Variants in PGAP4 observed in about 807,000 individuals in gnomAD.
The protein encoded by PGAP4 is GPI-N-acetylgalactosamine transferase PGAP4.
PGAP4 carries 12 observed loss-of-function variants against 28.2 expected under a neutral mutation model. That is an observed-to-expected ratio of 0.42 (90% CI 0.27 to 0.69). The LOEUF is 0.69. Ranked by LOEUF, PGAP4 falls within the 30% of genes least tolerant of loss-of-function variation. The probability of loss-of-function intolerance (pLI) is 0.22; values close to 1 mark genes in which losing one functional copy is unlikely to be tolerated. For synonymous variants in PGAP4, 205 were observed against 211.8 expected (o/e 0.97, Z 0.28); for missense variants, 425 against 513.5 (o/e 0.83, Z 1.67).
chr9:101,488,632 T>C (rs1391805182), upstream of PGAP4, among the ~76,000 whole-genome samples: 6 of 152,332 alleles, frequency 3.9e-5, no homozygotes, highest in Admixed American at 2.6e-4. Flanking sequence ...CAAAAATTCA[T>C]TGAGTACCTA....
intron 2 of PGAP4, among the ~76,000 whole-genome samples, chr9:101,517,502 G>A (rs919319458): frequency 6.6e-6 from 1 of 152,086 alleles, no homozygotes; most frequent in African/African-American, 2.4e-5. Flanking sequence ...AAGATATCAA[G>A]TTTTAAAAAC....
intron 2 of PGAP4, among the ~76,000 whole-genome samples, chr9:101,496,821 T>G (rs1255994498): frequency 6.6e-6 from 1 of 150,844 alleles, no homozygotes; most frequent in African/African-American, 2.4e-5. Flanking sequence ...TGTTTTACAT[T>G]CTTTGAATTT....
intron 1 of PGAP4, among the ~76,000 whole-genome samples, chr9:101,484,815 G>A (rs574766016): frequency 6.6e-6 from 1 of 152,320 alleles, no homozygotes; most frequent in African/African-American, 2.4e-5. Context: ...CCAGAAGGGA[G>A]AAATGCAAAC....
At chr9:101,499,714 A>G (rs1020612495) in intron 2 of PGAP4, among the ~76,000 whole-genome samples, 23 of 152,028 alleles carry the variant, frequency 1.5e-4, no homozygotes, top group African/African-American at 5.3e-4. Flanking sequence ...TCAGGCATAC[A>G]AATGTGAGAA....
At chr9:101,508,331 T>G (rs946545594) in intron 2 of PGAP4, among the ~76,000 whole-genome samples, 1 of 152,118 alleles carries the variant, frequency 6.6e-6, no homozygotes, top group Non-Finnish European at 1.5e-5. Flanking sequence ...TTGCTATGCC[T>G]TTGCGGTAGT....
chr9:101,485,363 C>A (rs1325043093), intron 1 of PGAP4, among the ~76,000 whole-genome samples: 1 of 151,956 alleles, frequency 6.6e-6, no homozygotes, highest in Non-Finnish European at 1.5e-5. Context: ...AATTTATACG[C>A]CCATATAACC....
At chr9:101,502,851 C>G (rs769558282) in intron 2 of PGAP4, among the ~76,000 whole-genome samples, 5 of 152,018 alleles carry the variant, frequency 3.3e-5, no homozygotes, top group Non-Finnish European at 7.4e-5. Context: ...TTCTCATAAT[C>G]ATAATTTTGA....
chr9:101,491,315 C>T (rs1160641127), upstream of PGAP4, among the ~76,000 whole-genome samples: 4 of 152,034 alleles, frequency 2.6e-5, no homozygotes, highest in African/African-American at 9.7e-5. Flanking sequence ...GTATAACCAA[C>T]CTGGCACCAG....
intron 2 of PGAP4, among the ~76,000 whole-genome samples, chr9:101,528,233 C>G (rs1389164172): frequency 6.6e-6 from 1 of 152,018 alleles, no homozygotes; most frequent in African/African-American, 2.4e-5. Flanking sequence ...ATATTTATAC[C>G]AAAGTTTGAG....
intron 2 of PGAP4, among the ~76,000 whole-genome samples, chr9:101,504,563 A>G (rs988648331): frequency 9.2e-5 from 14 of 151,860 alleles, no homozygotes; most frequent in African/African-American, 3.4e-4. Flanking sequence ...CTCAGGTCCA[A>G]GCTCTGCTGT....
intron 2 of PGAP4, among the ~76,000 whole-genome samples, chr9:101,508,872 A>G (rs1432283686): frequency 6.6e-6 from 1 of 152,160 alleles, no homozygotes; most frequent in Non-Finnish European, 1.5e-5. Context: ...GCTTACATTC[A>G]GTCTACTCTG....
At chr9:101,487,854 C>T (rs533874310), upstream of PGAP4, among the ~76,000 whole-genome samples, 6 of 152,274 alleles carry the variant, frequency 3.9e-5, no homozygotes, top group South Asian at 1.2e-3. Context: ...AGTTTTACTG[C>T]AACATAGTCA....
At chr9:101,495,033 A>C (rs1299203301) in intron 2 of PGAP4, among the ~76,000 whole-genome samples, 3 of 144,756 alleles carry the variant, frequency 2.1e-5, no homozygotes, top group African/African-American at 7.6e-5. Flanking sequence ...CATTTATATC[A>C]ATACCATATC....
chr9:101,529,402 G>C (rs1348367894), intron 2 of PGAP4, among the ~76,000 whole-genome samples: 1 of 152,102 alleles, frequency 6.6e-6, no homozygotes. Context: ...TGATCCGCCC[G>C]CCTTGGCCTC....
chr9:101,522,001 T>C (rs940165338), intron 2 of PGAP4, among the ~76,000 whole-genome samples: 6 of 152,208 alleles, frequency 3.9e-5, no homozygotes, highest in African/African-American at 1.2e-4. Context: ...GTAATTTAAT[T>C]TCCATGTATT....
intron 2 of PGAP4, among the ~76,000 whole-genome samples, chr9:101,498,303 A>G (rs1826769116): frequency 6.6e-6 from 1 of 151,896 alleles, no homozygotes; most frequent in Non-Finnish European, 1.5e-5. Flanking sequence ...GATTTGTTTG[A>G]TTAGCACATG....
chr9:101,501,302 G>T (rs921701552), intron 2 of PGAP4, among the ~76,000 whole-genome samples: 1 of 151,996 alleles, frequency 6.6e-6, no homozygotes, highest in African/African-American at 2.4e-5. Flanking sequence ...AAACTTACCC[G>T]TAGAATTAGC....
intron 2 of PGAP4, among the ~76,000 whole-genome samples, chr9:101,500,772 T>A (rs1306468052): frequency 2.0e-5 from 3 of 152,036 alleles, no homozygotes; most frequent in African/African-American, 4.8e-5. Context: ...GATACACCTA[T>A]TAGTCTGCAT....
At chr9:101,514,013 T>A (rs1826921018) in intron 2 of PGAP4, among the ~76,000 whole-genome samples, 1 of 151,872 alleles carries the variant, frequency 6.6e-6, no homozygotes. Flanking sequence ...TCTCTTCTTT[T>A]TTTTTTTTGT....
Sources: gnomAD v4.1 joint callset for allele counts (sites outside exome capture counted in the v4.1 genomes callset) on GRCh38, gnomAD v4.1.1 for gene constraint, MANE v1.5 for transcripts, NCBI Gene and HGNC (gene_info 2026-07-23, HGNC 2026-07-21) for gene names.